BEX4: variants seen among roughly 807,000 people sequenced by gnomAD.
BEX4 encodes the protein protein BEX4.
For synonymous variants in BEX4, 37 were observed against 33.5 expected (o/e 1.11, Z -0.36); for missense variants, 110 against 96.5 (o/e 1.14, Z -0.59).
chrX:103,215,622 T>G (rs960695270), intron 1 of BEX4, 60 bp from the exon 2 acceptor site: 2 of 781,744 alleles, frequency 2.6e-6, no homozygotes, highest in Non-Finnish European at 3.1e-6. Flanking sequence ...AGGGGCCGGA[T>G]GGCGGTAGTT....
chrX:103,215,192 G>A lies in BEX4; in HGVS notation c.-135G>A, dbSNP rs968363515. ...ACCTGCTCCCGGTGGCCCTGAGGAC[G>A]TGTGGGCCAGGGGCGGCCCCGAAAT... On this transcript the variant is annotated 5_prime_UTR_variant, in exon 1 of 3. It adds an upstream start codon to the 5' untranslated region. Transcript: ENST00000372695. 4 of 753,765 alleles carry A rather than the reference G, an allele frequency of 5.3e-6. No homozygotes were observed. Among genetic ancestry groups the A allele is most frequent in the South Asian group, 1.4e-4 (2 of 14,692 alleles). 62.1% of individuals were successfully genotyped at this position (753,765 alleles called of 1,213,427 possible). A position where few individuals can be genotyped will look rare whatever the true frequency, so the allele number is the denominator to read the frequency against.
chrX:103,216,374 A>G lies in BEX4; in HGVS notation c.221A>G (p.Asn74Ser). 1 of 1,211,769 alleles carries G rather than the reference A, an allele frequency of 8.3e-7. No homozygotes were observed. The highest frequency in any genetic ancestry group is 1.1e-6 in the Non-Finnish European group (1 of 895,547). The stretch of plus-strand genomic sequence containing the variant: ...ATACCTAATAGGCATATTGAGCACA[A>G]TGAAGCGAGAGATGATGTAGAAAGG... ...WAIPNRHIEH[N>S]EARDDVERFV... is the part of the protein sequence containing the mutation. Residue 74 changes from asparagine to serine, a missense_variant, in exon 3 of 3, where the codon AAT (asparagine) becomes AGT (serine). Physicochemically the swap from Asn to Ser is conservative, Grantham distance 46. Coordinates refer to ENST00000372695, the MANE Select transcript of BEX4 (RefSeq NM_001080425.4).
chrX:103,216,769 A>G lies in BEX4; in HGVS notation c.*253A>G. The G allele has an allele frequency of 4.6e-6, 1 of 217,718 alleles. No homozygotes were observed. Among genetic ancestry groups the G allele is most frequent in the Non-Finnish European group, 8.7e-6 (1 of 114,871 alleles). 17.9% of individuals were successfully genotyped at this position (217,718 alleles called of 1,213,427 possible). On this transcript the variant is annotated 3_prime_UTR_variant, in exon 3 of 3. Transcript: ENST00000372695. ...TTCAAAAAGCAGTCTGTATTCCATCATCTTCCTTTTTCATTCCAGTCCTTA... is the reference window on the plus strand; with the variant it reads ...TTCAAAAAGCAGTCTGTATTCCATCGTCTTCCTTTTTCATTCCAGTCCTTA...
intron 2 of BEX4, 102 bp downstream of exon 2, chrX:103,215,866 C>T: frequency 1.7e-6 from 1 of 595,521 alleles, no homozygotes; most frequent in Non-Finnish European, 2.2e-6. Flanking sequence ...CTACCCCATG[C>T]AACCCTCCCC....
intron 2 of BEX4, 126 bp downstream of exon 2, chrX:103,215,890 T>C: frequency 1.9e-6 from 1 of 522,298 alleles, no homozygotes; most frequent in Non-Finnish European, 2.5e-6. Context: ...CCACACGCCA[T>C]CCTCGTCCTC....
chrX:103,216,347 C>T lies in BEX4; in HGVS notation c.194C>T (p.Ala65Val). Residue 65 changes from alanine (A) to valine (V), a missense_variant, in exon 3 of 3, where the codon GCC (alanine) becomes GTC (valine). Physicochemically the swap from Ala to Val is moderately conservative, Grantham distance 64. Coordinates refer to ENST00000372695, the MANE Select transcript of BEX4 (RefSeq NM_001080425.4). ...VRRLVPNFRW[A>V]IPNRHIEHNE... is the part of the protein sequence containing the mutation. ...CGACTTGTCCCTAATTTTCGATGGG[C>T]CATACCTAATAGGCATATTGAGCAC... 1 of 1,211,191 alleles carries T rather than the reference C, an allele frequency of 8.3e-7. No individual in the cohort carries two copies. Among genetic ancestry groups the T allele is most frequent in the Non-Finnish European group, 1.1e-6 (1 of 895,297 alleles).
chrX:103,216,505 C>G lies in BEX4; in HGVS notation c.352C>G (p.Leu118Val). Residue 118 changes from leucine (L) to valine (V), a missense_variant, in exon 3 of 3, where the codon CTC becomes GTC. Transcript: ENST00000372695. Reference sequence around the variant, plus strand: ...ACCTGACAACCATTATGACTTTTGCCTCATACCTTGAATCCTAAAAGTTTT... The same window carrying G: ...ACCTGACAACCATTATGACTTTTGCGTCATACCTTGAATCCTAAAAGTTTT... ...PEPDNHYDFC[L>V]IP 1 of 1,203,495 alleles carries G rather than the reference C, an allele frequency of 8.3e-7. No homozygotes were observed. The highest frequency in any genetic ancestry group is 1.1e-6 in the Non-Finnish European group (1 of 891,536).
At position 103,216,713 on chromosome X, in the gene BEX4, C is replaced by T. The variant is rs1414903852; in HGVS notation, c.*197C>T. On this transcript the variant is annotated 3_prime_UTR_variant, in exon 3 of 3. Transcript: ENST00000372695. ...CAATTCACCTATTTTAGGAAAAATA[C>T]TCTTTTCATAATATGAAATGCATAA... 1.3e-5 allele frequency: 5 copies of T among 398,585 alleles called. No homozygotes were observed. In the Admixed American group the frequency reaches 2.6e-4, roughly 20 times the overall value. The allele number at this position is 398,585 out of a possible 1,213,427, so 32.8% of individuals were successfully genotyped here.
chrX:103,216,064 T>G (rs1924575412), intron 2 of BEX4, 85 bp from the exon 3 acceptor site: 1 of 1,033,799 alleles, frequency 9.7e-7, no homozygotes, highest in African/African-American at 1.9e-5. Context: ...GCTCTGAATT[T>G]TAAAAGGTGC....
Position 103,215,236 on chromosome X carries a change from C to A in BEX4, c.-91C>A. 1.3e-6 allele frequency: 1 copy of A among 755,155 alleles called. No individual in the cohort carries two copies. Among genetic ancestry groups the A allele is most frequent in the Non-Finnish European group, 1.6e-6 (1 of 639,881 alleles). 62.2% of individuals were successfully genotyped at this position (755,155 alleles called of 1,213,427 possible). On this transcript the variant is annotated splice_region_variant and 5_prime_UTR_variant, in exon 1 of 3. Transcript: ENST00000372695. ...CCGAAATTAGGAAGCGGAGGGGGAG[C>A]AGGTAAGGAACCCGGCGGGGGGTCC... is the stretch of plus-strand genomic sequence containing the variant.
chrX:103,216,146 T>C lies in BEX4; in HGVS notation c.-5-3T>C, dbSNP rs1268899302. 2 of 1,132,498 alleles carry C rather than the reference T, an allele frequency of 1.8e-6. No individual in the cohort carries two copies. Among genetic ancestry groups the C allele is most frequent in the South Asian group, 2.3e-5 (1 of 43,469 alleles). The allele number at this position is 1,132,498 out of a possible 1,213,427, so 93.3% of individuals were successfully genotyped here. ...AGCCCATTTTCTCTCTCTTGTCTCC[T>C]AGGAGTAATGGAGTCCAAAGAGGAA... On this transcript the variant is annotated splice_region_variant and splice_polypyrimidine_tract_variant and intron_variant, in intron 2 of 2. Coordinates refer to ENST00000372695, the MANE Select transcript of BEX4 (RefSeq NM_001080425.4).
At position 103,216,476 on chromosome X, in the gene BEX4, C is replaced by G; in HGVS notation, c.323C>G (p.Pro108Arg). 3.3e-6 allele frequency: 4 copies of G among 1,210,553 alleles called. No homozygotes were observed. Among genetic ancestry groups the G allele is most frequent in the Non-Finnish European group, 3.4e-6 (3 of 895,031 alleles). The change falls in exon 3 of 3, where the codon CCT becomes CGT. Residue 108 changes from proline to arginine, a missense_variant. By Grantham distance (103) the Pro-to-Arg change is moderately radical. Coordinates refer to ENST00000372695, the MANE Select transcript of BEX4 (RefSeq NM_001080425.4). Reference sequence around the variant, plus strand: ...AGGCACTATATGCGCTTCCAAACTCCTGAACCTGACAACCATTATGACTTT... The same window carrying G: ...AGGCACTATATGCGCTTCCAAACTCGTGAACCTGACAACCATTATGACTTT... ...QMRHYMRFQT[P>R]EPDNHYDFCL...
rs1486399021 is a variant in BEX4 at position 103,216,140 on chromosome X, G to C, written c.-5-9G>C. On this transcript the variant is annotated splice_polypyrimidine_tract_variant and intron_variant, in intron 2 of 2. Coordinates refer to ENST00000372695, the MANE Select transcript of BEX4 (RefSeq NM_001080425.4). ...GAATTCAGCCCATTTTCTCTCTCTTGTCTCCTAGGAGTAATGGAGTCCAAA... is the reference window on the plus strand; with the variant it reads ...GAATTCAGCCCATTTTCTCTCTCTTCTCTCCTAGGAGTAATGGAGTCCAAA... The C allele has an allele frequency of 8.9e-7, 1 of 1,126,482 alleles. No homozygotes were observed. Among genetic ancestry groups the C allele is most frequent in the Non-Finnish European group, 1.2e-6 (1 of 856,514 alleles). The allele number at this position is 1,126,482 out of a possible 1,213,427, so 92.8% of individuals were successfully genotyped here. A position where few individuals can be genotyped will look rare whatever the true frequency, so the allele number is the denominator to read the frequency against.
rs1569299673 is a variant in BEX4 at position 103,216,510 on chromosome X, A to G, written c.357A>G (p.Ile119Met). 2 of 1,200,178 alleles carry G rather than the reference A, an allele frequency of 1.7e-6. No homozygotes were observed. The change falls in exon 3 of 3, where the codon ATA becomes ATG. Residue 119 changes from isoleucine (I) to methionine (M), a missense_variant. Transcript: ENST00000372695. Reference protein sequence around the residue: ...EPDNHYDFCLIP With the variant: ...EPDNHYDFCLMP ...ACAACCATTATGACTTTTGCCTCATACCTTGAATCCTAAAAGTTTTCGCTG... is the reference window on the plus strand; with the variant it reads ...ACAACCATTATGACTTTTGCCTCATGCCTTGAATCCTAAAAGTTTTCGCTG...
rs374308612 is a variant in BEX4, at chrX:103,216,466, T to G, written c.313T>G (p.Phe105Val). ...ACAGCAGATGAGGCACTATATGCGC[T>G]TCCAAACTCCTGAACCTGACAACCA... Reference protein sequence around the residue: ...REQQMRHYMRFQTPEPDNHYD... With the variant: ...REQQMRHYMRVQTPEPDNHYD... The change falls in exon 3 of 3, where the codon TTC becomes GTC. Residue 105 changes from phenylalanine to valine, a missense_variant. Physicochemically the swap from Phe to Val is conservative, Grantham distance 50 (BLOSUM62 -1). Transcript: ENST00000372695. 3.3e-6 allele frequency: 4 copies of G among 1,209,544 alleles called. No individual in the cohort carries two copies. The highest frequency in any genetic ancestry group is 4.5e-6 in the Non-Finnish European group (4 of 895,056).
intron 2 of BEX4, 96 bp downstream of exon 2, chrX:103,215,860 C>T: frequency 3.3e-6 from 2 of 609,954 alleles, no homozygotes; most frequent in Middle Eastern, 7.7e-4. Context: ...CCCCCTCTAC[C>T]CCATGCAACC....
At position 103,216,660 on chromosome X, in the gene BEX4, C is replaced by A; in HGVS notation, c.*144C>A. 1.4e-6 allele frequency: 1 copy of A among 737,196 alleles called. No homozygotes were observed. The highest frequency in any genetic ancestry group is 1.9e-6 in the Non-Finnish European group (1 of 518,357). The allele number at this position is 737,196 out of a possible 1,213,427, so 60.8% of individuals were successfully genotyped here. The stretch of plus-strand genomic sequence containing the variant: ...GAATTCTAATTGAATATTGTTTTGT[C>A]TCAGCCTAAAAGTTACGGTCAGCAT... On this transcript the variant is annotated 3_prime_UTR_variant, in exon 3 of 3. Transcript: ENST00000372695.
intron 1 of BEX4, 125 bp from the exon 2 acceptor site, chrX:103,215,557 T>G (rs1015849431): frequency 1.1e-5 from 4 of 377,268 alleles, no homozygotes; most frequent in African/African-American, 4.7e-5. Flanking sequence ...GGGGCGAGGG[T>G]GGCGAGGAGG....
intron 1 of BEX4, among the ~76,000 whole-genome samples, 194 bp from the exon 2 acceptor site, chrX:103,215,488 C>T (rs1474466577): frequency 8.9e-6 from 1 of 111,985 alleles, no homozygotes; most frequent in East Asian, 2.9e-4. Flanking sequence ...ACACCCCTGC[C>T]CCGCACTTCT....
Sources: gnomAD v4.1 joint callset for allele counts (sites outside exome capture counted in the v4.1 genomes callset) on GRCh38, gnomAD v4.1.1 for gene constraint, MANE v1.5 for transcripts, NCBI Gene and HGNC (gene_info 2026-07-23, HGNC 2026-07-21) for gene names.